Variants in C1orf210 observed in about 807,000 individuals in gnomAD.
C1orf210 encodes chromosome 1 open reading frame 210.
Under a neutral mutation model 3.7 loss-of-function variants are expected in C1orf210, and 3 were observed. The observed-to-expected ratio is 0.81, with a 90% CI of 0.37 to 2.08. C1orf210 has a LOEUF of 2.08. C1orf210 is among the 30% of genes most tolerant of loss of function. C1orf210 has a pLI of 0.06. For missense variants in C1orf210, 143 were observed against 147.7 expected (o/e 0.97, Z 0.17); for synonymous variants, 62 against 61.7 (o/e 1.00, Z -0.02).
At chr1:43,285,312 T>G (rs1265937927) in intron 1 of C1orf210, 132 bp downstream of exon 1, 1 of 152,286 alleles carries the variant, frequency 6.6e-6, no homozygotes. Flanking sequence ...CAAGGGTGCA[T>G]ATACACTCCC....
chr1:43,282,493 A>T lies in C1orf210; in HGVS notation c.*292T>A. On this transcript the variant is annotated 3_prime_UTR_variant, in exon 3 of 3. Coordinates refer to ENST00000523677, the MANE Select transcript of C1orf210 (RefSeq NM_182517.3). Reference sequence around the variant, plus strand: ...TTTCGACAGTAAAGTAGGGGAAGGCAAGAAAAGAAACCAAGAGGCCGAGAG... The same window carrying T: ...TTTCGACAGTAAAGTAGGGGAAGGCTAGAAAAGAAACCAAGAGGCCGAGAG... The T allele has an allele frequency of 2.7e-6, 1 of 364,354 alleles. No individual in the cohort carries two copies. The highest frequency in any genetic ancestry group is 4.9e-6 in the Non-Finnish European group (1 of 202,424). 22.6% of individuals were successfully genotyped at this position (364,354 alleles called of 1,614,324 possible).
chr1:43,284,355 G>A (rs1646566351), intron 1 of C1orf210, among the ~76,000 whole-genome samples: 1 of 152,088 alleles, frequency 6.6e-6, no homozygotes, highest in Non-Finnish European at 1.5e-5. Flanking sequence ...GAGTAGCCGG[G>A]CTAGGGAAGT....
Position 43,283,276 on chromosome 1 carries a change from G to T in C1orf210, c.-6C>A. 1 of 1,613,982 alleles carries T rather than the reference G, an allele frequency of 6.2e-7. No individual in the cohort carries two copies. The highest frequency in any genetic ancestry group is 8.5e-7 in the Non-Finnish European group (1 of 1,179,944). ...CTTTTGTTTGTCTCATTCATGGAGG[G>T]GCCTGATGACACCAGTGAGTCTCAG... is the stretch of plus-strand genomic sequence containing the variant. On this transcript the variant is annotated 5_prime_UTR_variant, in exon 2 of 3. Transcript: ENST00000523677.
At position 43,282,992 on chromosome 1, in the gene C1orf210, C is replaced by T. The variant is rs749780582; in HGVS notation, c.135G>A (p.Ser45=). The T allele has an allele frequency of 1.2e-5, 19 of 1,613,968 alleles. No individual in the cohort carries two copies. Among genetic ancestry groups the T allele is most frequent in the East Asian group, 8.9e-5 (4 of 44,894 alleles). The change falls in exon 3 of 3, where the codon TCG becomes TCA. Residue 45 remains serine, a synonymous_variant. Transcript: ENST00000523677. ...VGFVLGAVVL[S]LLIALAAKCH... ...ATTTGGCAGCAAGTGCAATGAGGAG[C>T]GAGAGGACCACAGCCCCCAGCACAA...
Position 43,283,335 on chromosome 1 carries a change from C to T in C1orf210, c.-65G>A, listed in dbSNP as rs1646559741. 2 of 1,588,292 alleles carry T rather than the reference C, an allele frequency of 1.3e-6. No homozygotes were observed. ...AGAAAGAGCCCTGGCTCTGAGGAGGCCCCCAGATGCCAGGCAGCCCCAGGG... is the reference window on the plus strand; with the variant it reads ...AGAAAGAGCCCTGGCTCTGAGGAGGTCCCCAGATGCCAGGCAGCCCCAGGG... On this transcript the variant is annotated 5_prime_UTR_variant, in exon 2 of 3. Coordinates refer to ENST00000523677, the MANE Select transcript of C1orf210 (RefSeq NM_182517.3).
chr1:43,283,448 C>CTTTTTTAA, intron 1 of C1orf210, 80 bp from the exon 2 acceptor site: 2 of 746,746 alleles, frequency 2.7e-6, no homozygotes, highest in Admixed American at 3.0e-5. Context: ...CATGGTAGCC[C>CTTTTTTAA]TGCACAAACT....
Position 43,282,955 on chromosome 1 carries a change from G to A in C1orf210, c.172C>T (p.Arg58Cys), listed in dbSNP as rs145476490. 19 of 1,614,038 alleles carry A rather than the reference G, an allele frequency of 1.2e-5. No homozygotes were observed. Among genetic ancestry groups the A allele is most frequent in the African/African-American group, 6.7e-5 (5 of 74,910 alleles). ...IALAAKCHLC[R>C]RYHASYRHRP... is the part of the protein sequence containing the mutation. ...TGCCGGTAGCTGGCATGGTATCGGC[G>A]GCAGAGGTGGCATTTGGCAGCAAGT... The change falls in exon 3 of 3, where the codon CGC (arginine) becomes TGC (cysteine). Residue 58 changes from arginine (R) to cysteine (C), a missense_variant. Transcript: ENST00000523677.
chr1:43,282,927 C>A lies in C1orf210; in HGVS notation c.200G>T (p.Arg67Leu). 2 of 1,614,160 alleles carry A rather than the reference C, an allele frequency of 1.2e-6. No homozygotes were observed. The highest frequency in any genetic ancestry group is 1.7e-5 in the Admixed American group (1 of 60,024). ...CRRYHASYRH[R>L]PLPETGRGGR... Reference sequence around the variant, plus strand: ...TCCCCTTCCTGTCTCAGGCAGTGGGCGGTGCCGGTAGCTGGCATGGTATCG... The same window carrying A: ...TCCCCTTCCTGTCTCAGGCAGTGGGAGGTGCCGGTAGCTGGCATGGTATCG... Residue 67 changes from arginine (R) to leucine (L), a missense_variant, in exon 3 of 3, where the codon CGC becomes CTC. Physicochemically the swap from Arg to Leu is moderately radical, Grantham distance 102. Coordinates refer to ENST00000523677, the MANE Select transcript of C1orf210 (RefSeq NM_182517.3).
At position 43,282,996 on chromosome 1, in the gene C1orf210, A is replaced by G. The variant is rs1646556757; in HGVS notation, c.131T>C (p.Leu44Pro). Residue 44 changes from leucine to proline, a missense_variant, in exon 3 of 3, where the codon CTC (leucine) becomes CCC (proline). Transcript: ENST00000523677. ...LVGFVLGAVV[L>P]SLLIALAAKC... ...GGCAGCAAGTGCAATGAGGAGCGAG[A>G]GGACCACAGCCCCCAGCACAAATCC... The G allele has an allele frequency of 6.2e-7, 1 of 1,613,984 alleles. No homozygotes were observed. The highest frequency in any genetic ancestry group is 1.7e-5 in the Admixed American group (1 of 60,012).
chr1:43,282,477 T>C lies in C1orf210; in HGVS notation c.*308A>G. Reference sequence around the variant, plus strand: ...GGGAGAATAACATTGATTTCGACAGTAAAGTAGGGGAAGGCAAGAAAAGAA... The same window carrying C: ...GGGAGAATAACATTGATTTCGACAGCAAAGTAGGGGAAGGCAAGAAAAGAA... On this transcript the variant is annotated 3_prime_UTR_variant, in exon 3 of 3. Coordinates refer to ENST00000523677, the MANE Select transcript of C1orf210 (RefSeq NM_182517.3). 1 of 318,466 alleles carries C rather than the reference T, an allele frequency of 3.1e-6. No homozygotes were observed. The highest frequency in any genetic ancestry group is 5.8e-6 in the Non-Finnish European group (1 of 173,802). The allele number at this position is 318,466 out of a possible 1,614,324, so 19.7% of individuals were successfully genotyped here.
At position 43,282,807 on chromosome 1, in the gene C1orf210, C is replaced by T; in HGVS notation, c.320G>A (p.Ser107Asn). 6.2e-7 allele frequency: 1 copy of T among 1,604,654 alleles called. No individual in the cohort carries two copies. Among genetic ancestry groups the T allele is most frequent in the Non-Finnish European group, 8.5e-7 (1 of 1,174,696 alleles). Residue 107 changes from serine (S) to asparagine (N), a missense_variant, in exon 3 of 3, where the codon AGC becomes AAC. Ser to Asn is a conservative substitution (Grantham distance 46, BLOSUM62 1). Transcript: ENST00000523677. ...PGTGELGTEG[S>N]RDHFSL ...AGCTCAGAGGGAGAAGTGGTCCCTG[C>T]TACCCTCTGTCCCCAGCTCGCCAGT...
intron 1 of C1orf210, among the ~76,000 whole-genome samples, chr1:43,284,555 T>A (rs1646567912): frequency 6.6e-6 from 1 of 152,022 alleles, no homozygotes; most frequent in Admixed American, 6.5e-5. Flanking sequence ...CTTCCTCTTG[T>A]ACTCTAGCCA....
chr1:43,283,457 C>T (rs1261729661), intron 1 of C1orf210, 89 bp from the exon 2 acceptor site: 2 of 687,932 alleles, frequency 2.9e-6, no homozygotes, highest in Non-Finnish European at 4.8e-6. Context: ...CCTGCACAAA[C>T]TCTGGGGACT....
intron 1 of C1orf210, among the ~76,000 whole-genome samples, chr1:43,284,817 C>A (rs1646569959): frequency 1.3e-5 from 2 of 152,210 alleles, no homozygotes; most frequent in South Asian, 4.1e-4. Flanking sequence ...CCTGGCCACG[C>A]CCTCCTCAGT....
In C1orf210 at chr1:43,283,284, G is replaced by T. The variant is rs1646559351; in HGVS notation, c.-14C>A. 1 of 1,613,988 alleles carries T rather than the reference G, an allele frequency of 6.2e-7. No homozygotes were observed. The highest frequency in any genetic ancestry group is 1.3e-5 in the African/African-American group (1 of 75,034). ...TGTCTCATTCATGGAGGGGCCTGAT[G>T]ACACCAGTGAGTCTCAGCCTCAACC... On this transcript the variant is annotated 5_prime_UTR_variant, in exon 2 of 3. Transcript: ENST00000523677.
At position 43,283,388 on chromosome 1, in the gene C1orf210, T is replaced by C; in HGVS notation, c.-98-20A>G. The C allele has an allele frequency of 7.2e-7, 1 of 1,391,358 alleles. No individual in the cohort carries two copies. Among genetic ancestry groups the C allele is most frequent in the Non-Finnish European group, 9.9e-7 (1 of 1,015,094 alleles). The allele number at this position is 1,391,358 out of a possible 1,614,324, so 86.2% of individuals were successfully genotyped here. ...CAAGTCCTAGAAAATAACATAGGTA[T>C]GGGTGTCAGGGATGGTCACAGGGTG... is the stretch of plus-strand genomic sequence containing the variant. On this transcript the variant is annotated intron_variant, in intron 1 of 2. Transcript: ENST00000523677.
Position 43,282,199 on chromosome 1 carries a change from A to C in C1orf210, c.*586T>G, listed in dbSNP as rs1179137958. The stretch of plus-strand genomic sequence containing the variant: ...AGAATCGCTTGAACCCAGGAGGCGG[A>C]GGTTGCAGTGAGCCAAGATGTGCCA... On this transcript the variant is annotated 3_prime_UTR_variant, in exon 3 of 3. Coordinates refer to ENST00000523677, the MANE Select transcript of C1orf210 (RefSeq NM_182517.3). 6.6e-6 allele frequency: 1 copy of C among 151,268 alleles called. No homozygotes were observed. The highest frequency in any genetic ancestry group is 2.4e-5 in the African/African-American group (1 of 41,040). The allele number at this position is 151,268 out of a possible 1,614,324, so 9.4% of individuals were successfully genotyped here.
intron 1 of C1orf210, among the ~76,000 whole-genome samples, chr1:43,284,352 C>T (rs759098559): frequency 6.6e-6 from 1 of 151,968 alleles, no homozygotes; most frequent in South Asian, 2.1e-4. Context: ...GCAGAGTAGC[C>T]GGGCTAGGGA....
In C1orf210 at chr1:43,282,471, C is replaced by T. The variant is rs954962680; in HGVS notation, c.*314G>A. On this transcript the variant is annotated 3_prime_UTR_variant, in exon 3 of 3. Coordinates refer to ENST00000523677, the MANE Select transcript of C1orf210 (RefSeq NM_182517.3). ...GTGGGAGGGAGAATAACATTGATTTCGACAGTAAAGTAGGGGAAGGCAAGA... is the reference window on the plus strand; with the variant it reads ...GTGGGAGGGAGAATAACATTGATTTTGACAGTAAAGTAGGGGAAGGCAAGA... The T allele has an allele frequency of 6.3e-5, 19 of 303,818 alleles. No individual in the cohort carries two copies. Among genetic ancestry groups the T allele is most frequent in the South Asian group, 7.9e-5 (1 of 12,678 alleles). 18.8% of individuals were successfully genotyped at this position (303,818 alleles called of 1,614,324 possible). A position where few individuals can be genotyped will look rare whatever the true frequency, so the allele number is the denominator to read the frequency against.
Sources: allele counts gnomAD v4.1 joint callset (sites outside exome capture counted in the v4.1 genomes callset), GRCh38; gene constraint gnomAD v4.1.1; transcripts MANE v1.5; gene names NCBI Gene and HGNC (gene_info 2026-07-23, HGNC 2026-07-21).